Variants in KCNH8 observed in about 807,000 individuals in gnomAD.
KCNH8 encodes the protein voltage-gated delayed rectifier potassium channel KCNH8.
A neutral mutation model predicts 103.6 loss-of-function variants in KCNH8; 70 were observed. The ratio of observed to expected loss-of-function variants is 0.68; its 90% CI spans 0.56 to 0.82. The LOEUF is 0.82. Ranked by LOEUF, KCNH8 falls within the 40% of genes least tolerant of loss-of-function variation. The pLI, the probability that KCNH8 is intolerant of heterozygous loss-of-function variation, is 0.00. For synonymous variants in KCNH8, 498 were observed against 489.4 expected (o/e 1.02, Z -0.23); for missense variants, 1,217 against 1,329.9 (o/e 0.92, Z 1.32).
At chr3:19,189,269 TTATAAA>T (rs2063529587) in intron 1 of KCNH8, among the ~76,000 whole-genome samples, 2 of 152,058 alleles carry the variant, frequency 1.3e-5, no homozygotes, top group African/African-American at 4.8e-5. Flanking sequence ...ATGAATACAT[TTATAAA>T]TATATTGTTT....
intron 7 of KCNH8, among the ~76,000 whole-genome samples, chr3:19,402,593 TAAGA>T (rs549948281): frequency 4.9e-4 from 74 of 151,990 alleles, no homozygotes; most frequent in Non-Finnish European, 9.4e-4. Context: ...TATGCATGTA[TAAGA>T]AAGAAAGACA....
At chr3:19,430,349 G>A (rs534205254) in intron 7 of KCNH8, among the ~76,000 whole-genome samples, 9 of 152,014 alleles carry the variant, frequency 5.9e-5, no homozygotes, top group South Asian at 2.1e-4. Flanking sequence ...TACTAGTGCC[G>A]TGCTCTTTTG....
intron 3 of KCNH8, among the ~76,000 whole-genome samples, chr3:19,321,502 T>C (rs1268836750): frequency 2.0e-5 from 3 of 151,874 alleles, no homozygotes; most frequent in East Asian, 3.9e-4. Context: ...AGGGTTCCTA[T>C]TGGAGTTGAT....
chr3:19,483,261 G>C (rs1005103037), intron 11 of KCNH8, among the ~76,000 whole-genome samples: 1 of 152,076 alleles, frequency 6.6e-6, no homozygotes, highest in Non-Finnish European at 1.5e-5. Flanking sequence ...ACTCCAGGTA[G>C]GTCCACACGG....
Position 19,187,071 on chromosome 3 carries a change from A to G in KCNH8, c.76+38276A>G, listed in dbSNP as rs1209876002. On this transcript the variant is annotated intron_variant, in intron 1 of 15. Coordinates refer to ENST00000328405, the MANE Select transcript of KCNH8 (RefSeq NM_144633.3). ...GGAATTCAAATTTCATATTATTTTCATGTTACAAAATGTTGTTCTTTTTGT... is the reference window on the plus strand; with the variant it reads ...GGAATTCAAATTTCATATTATTTTCGTGTTACAAAATGTTGTTCTTTTTGT... Among the ~76,000 whole-genome samples the G allele has an allele frequency of 2.0e-5, 3 of 152,156 alleles. No homozygotes were observed. The East Asian group carries it at 5.8e-4, about 29-fold the overall frequency.
intron 1 of KCNH8, among the ~76,000 whole-genome samples, chr3:19,219,053 A>G (rs540845908): frequency 6.6e-6 from 1 of 152,218 alleles, no homozygotes; most frequent in Non-Finnish European, 1.5e-5. Flanking sequence ...AACACCTACT[A>G]TGCTTCTTCC....
rs1312504233 is a variant in KCNH8 at position 19,533,791 on chromosome 3, T to C, written c.3016T>C (p.Leu1006=). ...SHYQVVQEGH[L]QFLRCISPHS... ...CTACCAGGTTGTCCAAGAAGGTCAT[T>C]TGCAATTTTTAAGGTGCATCTCTCC... is the stretch of plus-strand genomic sequence containing the variant. Residue 1006 remains leucine, a synonymous_variant, in exon 16 of 16, where the codon TTG becomes CTG. Transcript: ENST00000328405. 3 of 1,614,146 alleles carry C rather than the reference T, an allele frequency of 1.9e-6. No homozygotes were observed. The highest frequency in any genetic ancestry group is 2.2e-5 in the East Asian group (1 of 44,880).
At chr3:19,248,241 T>A (rs1252575567) in intron 1 of KCNH8, among the ~76,000 whole-genome samples, 1 of 152,306 alleles carries the variant, frequency 6.6e-6, no homozygotes, top group East Asian at 1.9e-4. Flanking sequence ...GGGAAACTTT[T>A]AAGTATTGCA....
Position 19,534,424 on chromosome 3 carries a change from T to A in KCNH8, c.*325T>A. 1 of 305,660 alleles carries A rather than the reference T, an allele frequency of 3.3e-6. No homozygotes were observed. The highest frequency in any genetic ancestry group is 7.1e-5 in the South Asian group (1 of 14,064). 18.9% of individuals were successfully genotyped at this position (305,660 alleles called of 1,614,324 possible). A position where few individuals can be genotyped will look rare whatever the true frequency, so the allele number is the denominator to read the frequency against. The stretch of plus-strand genomic sequence containing the variant: ...ACTTGTGGATGACTTTTGTCCCATG[T>A]GGCTTTTGTGAAGTATGGCAAAGGT... On this transcript the variant is annotated 3_prime_UTR_variant, in exon 16 of 16. Transcript: ENST00000328405.
intron 11 of KCNH8, among the ~76,000 whole-genome samples, chr3:19,470,823 T>C (rs2067840457): frequency 6.6e-6 from 1 of 152,164 alleles, no homozygotes; most frequent in African/African-American, 2.4e-5. Context: ...AGCAACATTT[T>C]CACAGAAACC....
intron 8 of KCNH8, among the ~76,000 whole-genome samples, chr3:19,439,828 T>C (rs1197693094): frequency 6.7e-6 from 1 of 150,012 alleles, no homozygotes; most frequent in Non-Finnish European, 1.5e-5. Context: ...AAAGATAAAA[T>C]TGAAGAGAAA....
At chr3:19,330,276 T>C (rs1307012499) in intron 3 of KCNH8, among the ~76,000 whole-genome samples, 1 of 152,206 alleles carries the variant, frequency 6.6e-6, no homozygotes, top group Non-Finnish European at 1.5e-5. Flanking sequence ...TTTTTCATTG[T>C]TCTTATTCTC....
At chr3:19,455,797 C>T (rs1022597199) in intron 10 of KCNH8, among the ~76,000 whole-genome samples, 2 of 151,984 alleles carry the variant, frequency 1.3e-5, no homozygotes, top group African/African-American at 2.4e-5. Flanking sequence ...AATAGCCATA[C>T]CATGGCAACC....
chr3:19,453,797 GA>G (rs2067487613), intron 10 of KCNH8, among the ~76,000 whole-genome samples: 1 of 152,132 alleles, frequency 6.6e-6, no homozygotes, highest in Non-Finnish European at 1.5e-5. Context: ...AGAACTATGA[GA>G]AATAATTTTT....
chr3:19,318,667 AC>A (rs2065309129), intron 3 of KCNH8, among the ~76,000 whole-genome samples: 38 of 54,850 alleles, frequency 6.9e-4, no homozygotes, highest in African/African-American at 3.5e-3. Context: ...GTGTGTACAC[AC>A]ACACACACAC....
intron 11 of KCNH8, among the ~76,000 whole-genome samples, chr3:19,481,950 A>G (rs1209424159): frequency 6.6e-6 from 1 of 152,172 alleles, no homozygotes; most frequent in Non-Finnish European, 1.5e-5. Flanking sequence ...CTCAGACAAC[A>G]ATTTGTAGAA....
At chr3:19,380,533 T>G (rs2066274311) in intron 5 of KCNH8, among the ~76,000 whole-genome samples, 1 of 152,252 alleles carries the variant, frequency 6.6e-6, no homozygotes, top group South Asian at 2.1e-4. Context: ...CTTCTTGGCT[T>G]TGGTGATCAA....
chr3:19,408,552 A>G (rs1199959726), intron 7 of KCNH8, among the ~76,000 whole-genome samples: 1 of 152,164 alleles, frequency 6.6e-6, no homozygotes, highest in Non-Finnish European at 1.5e-5. Flanking sequence ...AAGAATCCAA[A>G]GTATGGATTG....
intron 1 of KCNH8, among the ~76,000 whole-genome samples, chr3:19,216,127 C>A (rs2063815338): frequency 6.6e-6 from 1 of 152,190 alleles, no homozygotes; most frequent in African/African-American, 2.4e-5. Flanking sequence ...AGTGAACCTG[C>A]TGGATGTACC....
Sources: gnomAD v4.1 joint callset for allele counts (sites outside exome capture counted in the v4.1 genomes callset) on GRCh38, gnomAD v4.1.1 for gene constraint, MANE v1.5 for transcripts, NCBI Gene and HGNC (gene_info 2026-07-23, HGNC 2026-07-21) for gene names.